Variants in SPOCK1 observed in about 807,000 individuals in gnomAD.
SPOCK1 encodes SPARC (osteonectin), cwcv and kazal like domains proteoglycan 1, also known as testican-1.
In SPOCK1, 23 loss-of-function variants were observed where a neutral mutation model predicts 55.3. That is an observed-to-expected ratio of 0.42 (90% CI 0.30 to 0.59). SPOCK1 has a LOEUF of 0.59. Among genes scored for constraint, SPOCK1 ranks in the 20% least tolerant of loss-of-function variants. The pLI is 0.22. For missense variants in SPOCK1, 499 were observed against 552.5 expected (o/e 0.90, Z 0.97); for synonymous variants, 226 against 221.0 (o/e 1.02, Z -0.20).
At chr5:137,120,527 T>C (rs943136367) in intron 4 of SPOCK1, among the ~76,000 whole-genome samples, 1 of 152,182 alleles carries the variant, frequency 6.6e-6, no homozygotes, top group African/African-American at 2.4e-5. Flanking sequence ...CTATTCTTCA[T>C]AGATGAGAGG....
chr5:137,079,731 C>T (rs540390711), intron 5 of SPOCK1, among the ~76,000 whole-genome samples: 7 of 152,222 alleles, frequency 4.6e-5, no homozygotes, highest in East Asian at 1.9e-4. Flanking sequence ...TCCTCCTCCC[C>T]GTCCCTGCTT....
At chr5:137,386,069 C>A (rs991789967) in intron 2 of SPOCK1, among the ~76,000 whole-genome samples, 1 of 152,174 alleles carries the variant, frequency 6.6e-6, no homozygotes, top group Non-Finnish European at 1.5e-5. Context: ...AAGTCAATTG[C>A]TTTCCTATTT....
At position 137,010,129 on chromosome 5, in the gene SPOCK1, CTCTTTT is replaced by C. The variant is rs575981214; in HGVS notation, c.590-17535_590-17530del. On this transcript the variant is annotated intron_variant, in intron 6 of 10. Coordinates refer to ENST00000394945, the MANE Select transcript of SPOCK1 (RefSeq NM_004598.4). ...TCCATGCCATATCACAACCTGCTGT[CTCTTTT>C]GGACTCTGAGGTCAGATGCAGTAAG... Among the ~76,000 whole-genome samples, 1,120 of 152,260 alleles carry C rather than the reference CTCTTTT, an allele frequency of 7.4e-3. 8 individuals carry two copies. Among genetic ancestry groups the C allele is most frequent in the Non-Finnish European group, 0.013 (876 of 68,020 alleles).
At chr5:137,469,945 C>T (rs887968546) in intron 2 of SPOCK1, among the ~76,000 whole-genome samples, 1 of 152,200 alleles carries the variant, frequency 6.6e-6, no homozygotes. Context: ...ATTTGACATT[C>T]CCATCTGGGA....
chr5:137,027,063 A>C (rs1433547979), intron 6 of SPOCK1, among the ~76,000 whole-genome samples: 1 of 151,990 alleles, frequency 6.6e-6, no homozygotes, highest in Non-Finnish European at 1.5e-5. Context: ...TTTCTGAAAA[A>C]CTCCACTGCT....
intron 2 of SPOCK1, among the ~76,000 whole-genome samples, chr5:137,444,731 C>A (rs1476941224): frequency 1.3e-5 from 2 of 152,186 alleles, no homozygotes; most frequent in Non-Finnish European, 2.9e-5. Flanking sequence ...GCTGCAGCCA[C>A]AAGAATATTG....
At position 137,055,054 on chromosome 5, in the gene SPOCK1, C is replaced by T. The variant is rs191330899; in HGVS notation, c.589+12661G>A. The stretch of plus-strand genomic sequence containing the variant: ...TGGTAGTATGTCAAAATTATAGAAA[C>T]GTACTCAGCAATAAAAATTATTGGA... On this transcript the variant is annotated intron_variant, in intron 6 of 10. Transcript: ENST00000394945. Among the ~76,000 whole-genome samples the T allele has an allele frequency of 7.9e-5, 12 of 151,980 alleles. No individual in the cohort carries two copies. The East Asian group carries it at 1.9e-3, about 25-fold the overall frequency.
intron 2 of SPOCK1, among the ~76,000 whole-genome samples, chr5:137,270,313 C>T (rs938230725): frequency 8.5e-5 from 13 of 152,096 alleles, no homozygotes; most frequent in African/African-American, 3.1e-4. Context: ...AGCCCAGCAA[C>T]AGTTAATTTT....
chr5:137,222,216 A>T (rs762296617), intron 3 of SPOCK1, among the ~76,000 whole-genome samples: 1 of 152,218 alleles, frequency 6.6e-6, no homozygotes, highest in South Asian at 2.1e-4. Context: ...GAGTACACTA[A>T]GAAGATCTGT....
intron 2 of SPOCK1, among the ~76,000 whole-genome samples, chr5:137,419,870 G>C (rs1028775809): frequency 5.9e-5 from 9 of 152,262 alleles, no homozygotes; most frequent in Non-Finnish European, 7.3e-5. Context: ...GGGCATCCCT[G>C]TCTTGTGCCA....
At chr5:136,980,606 G>C (rs532198879) in intron 9 of SPOCK1, among the ~76,000 whole-genome samples, 3 of 152,156 alleles carry the variant, frequency 2.0e-5, no homozygotes, top group African/African-American at 4.8e-5. Context: ...CTCTGCACAC[G>C]CTCTCTTGCC....
chr5:137,004,884 G>A (rs1026159094), intron 6 of SPOCK1, among the ~76,000 whole-genome samples: 6 of 152,186 alleles, frequency 3.9e-5, no homozygotes, highest in Non-Finnish European at 8.8e-5. Context: ...TTCTTGTTCA[G>A]CAAGAACTAA....
At chr5:137,455,401 C>A (rs1753342862) in intron 2 of SPOCK1, among the ~76,000 whole-genome samples, 1 of 152,114 alleles carries the variant, frequency 6.6e-6, no homozygotes, top group Non-Finnish European at 1.5e-5. Flanking sequence ...CTGCCTGAAT[C>A]AAACTAAGAT....
intron 9 of SPOCK1, among the ~76,000 whole-genome samples, chr5:136,979,805 A>G (rs1160649474): frequency 3.3e-5 from 5 of 152,304 alleles, no homozygotes; most frequent in Admixed American, 2.6e-4. Flanking sequence ...CACAACTCTA[A>G]GAGATACATA....
intron 3 of SPOCK1, among the ~76,000 whole-genome samples, chr5:137,184,422 G>A (rs1024526592): frequency 1.1e-4 from 16 of 152,048 alleles, no homozygotes; most frequent in East Asian, 1.9e-4. Flanking sequence ...GTCTGTCCTC[G>A]CCCCAGAATG....
intron 2 of SPOCK1, among the ~76,000 whole-genome samples, chr5:137,405,163 A>C (rs1057059830): frequency 5.2e-5 from 8 of 152,382 alleles, no homozygotes; most frequent in Middle Eastern, 3.4e-3. Context: ...TGCAGAGATC[A>C]GAAGTTATTC....
intron 2 of SPOCK1, among the ~76,000 whole-genome samples, chr5:137,443,542 G>A (rs1753060731): frequency 1.3e-5 from 2 of 152,154 alleles, no homozygotes; most frequent in African/African-American, 2.4e-5. Flanking sequence ...TCTCTCCTGG[G>A]CCCCAGACCA....
intron 2 of SPOCK1, among the ~76,000 whole-genome samples, chr5:137,441,716 C>T (rs1238153333): frequency 2.0e-5 from 3 of 152,142 alleles, no homozygotes; most frequent in African/African-American, 7.2e-5. Context: ...CCATTGACTC[C>T]TGGGTAATTC....
intron 6 of SPOCK1, among the ~76,000 whole-genome samples, chr5:137,006,538 C>T (rs1057143686): frequency 2.0e-5 from 3 of 152,252 alleles, no homozygotes; most frequent in African/African-American, 7.2e-5. Context: ...GATTTTTGCA[C>T]ATTGATTTTG....
Sources: gnomAD v4.1 joint callset for allele counts (sites outside exome capture counted in the v4.1 genomes callset) on GRCh38, gnomAD v4.1.1 for gene constraint, MANE v1.5 for transcripts, NCBI Gene and HGNC (gene_info 2026-07-23, HGNC 2026-07-21) for gene names.